TMOD3: variants seen among roughly 807,000 people sequenced by gnomAD.
TMOD3 encodes the protein tropomodulin 3.
TMOD3 carries 20 observed loss-of-function variants against 39.2 expected under a neutral mutation model. The ratio of observed to expected loss-of-function variants is 0.51; its 90% confidence interval spans 0.36 to 0.74. The LOEUF is 0.74. Among genes scored for constraint, TMOD3 ranks in the 30% least tolerant of loss-of-function variants. TMOD3 has a pLI of 0.00. For synonymous variants in TMOD3, 143 were observed against 145.8 expected (o/e 0.98, Z 0.14); for missense variants, 381 against 412.8 (o/e 0.92, Z 0.67).
At chr15:51,889,176 ATCCT>A (rs751848273) in intron 5 of TMOD3, 31 bp downstream of exon 5, 160 of 1,407,324 alleles carry the variant, frequency 1.1e-4, no homozygotes, top group Non-Finnish European at 1.5e-4. Flanking sequence ...GTGAATTCTA[ATCCT>A]TTATTAAATA....
At chr15:51,869,514 G>A in intron 3 of TMOD3, 141 bp downstream of exon 3, 2 of 768,852 alleles carry the variant, frequency 2.6e-6, no homozygotes, top group Non-Finnish European at 4.1e-6. Flanking sequence ...ACATTTATTG[G>A]TTTAGATACT....
chr15:51,836,099 T>C (rs760864644), intron 1 of TMOD3, among the ~76,000 whole-genome samples: 4 of 152,204 alleles, frequency 2.6e-5, no homozygotes, highest in African/African-American at 4.8e-5. Context: ...GGTTTCCTTA[T>C]TCATTCCTTC....
intron 3 of TMOD3, 126 bp from the exon 4 acceptor site, chr15:51,887,463 A>G: frequency 9.4e-7 from 1 of 1,068,222 alleles, no homozygotes; most frequent in Non-Finnish European, 1.3e-6. Context: ...TCAGAGATAA[A>G]ACAAAATTAC....
chr15:51,881,006 G>A (rs951560288), intron 3 of TMOD3, among the ~76,000 whole-genome samples: 3 of 152,204 alleles, frequency 2.0e-5, no homozygotes, highest in Non-Finnish European at 2.9e-5. Context: ...AGCCATCTTA[G>A]TGGGTGTGAA....
intron 3 of TMOD3, 51 bp from the exon 4 acceptor site, chr15:51,887,538 A>G (rs776616779): frequency 6.4e-7 from 1 of 1,571,924 alleles, no homozygotes; most frequent in Non-Finnish European, 8.6e-7. Context: ...ATAAAATGGT[A>G]ATGAGTTGAT....
chr15:51,859,846 A>G (rs2056407999), intron 1 of TMOD3: 1 of 522,502 alleles, frequency 1.9e-6, no homozygotes. Flanking sequence ...GCACAGCAAC[A>G]ACTCAAGTCA....
At chr15:51,870,126 A>G (rs892788776) in intron 3 of TMOD3, among the ~76,000 whole-genome samples, 11 of 152,052 alleles carry the variant, frequency 7.2e-5, no homozygotes, top group Non-Finnish European at 1.6e-4. Context: ...TTTAGTAGAG[A>G]TGGGGTTTCA....
intron 5 of TMOD3, 140 bp from the exon 6 acceptor site, chr15:51,893,675 G>T (rs1376325488): frequency 3.0e-6 from 2 of 676,484 alleles, no homozygotes; most frequent in Non-Finnish European, 4.2e-6. Context: ...TGAGGCAGGA[G>T]AATGGCTTGA....
At chr15:51,873,175 C>T (rs1382116364) in intron 3 of TMOD3, among the ~76,000 whole-genome samples, 1 of 152,198 alleles carries the variant, frequency 6.6e-6, no homozygotes. Flanking sequence ...ATCCTGATCA[C>T]GTTCCAGAAG....
At chr15:51,842,921 A>G (rs757521816) in intron 1 of TMOD3, among the ~76,000 whole-genome samples, 2 of 152,238 alleles carry the variant, frequency 1.3e-5, no homozygotes, top group South Asian at 2.1e-4. Context: ...CGTTGATTAG[A>G]GTAATACCAG....
chr15:51,870,926 G>T (rs1008678337), intron 3 of TMOD3, among the ~76,000 whole-genome samples: 3 of 152,124 alleles, frequency 2.0e-5, no homozygotes, highest in African/African-American at 7.2e-5. Context: ...TCCTACTTTG[G>T]GGAGATAAAT....
intron 3 of TMOD3, among the ~76,000 whole-genome samples, chr15:51,886,891 C>G (rs2056567122): frequency 6.6e-6 from 1 of 152,134 alleles, no homozygotes; most frequent in African/African-American, 2.4e-5. Flanking sequence ...TCTCTGCTAT[C>G]CCCCATGTGA....
intron 9 of TMOD3, among the ~76,000 whole-genome samples, chr15:51,907,826 G>C (rs2056690000): frequency 6.6e-6 from 1 of 152,198 alleles, no homozygotes; most frequent in African/African-American, 2.4e-5. Flanking sequence ...GAACACCCCT[G>C]AGTAGTTTGA....
chr15:51,835,647 C>T (rs776326054), intron 1 of TMOD3, among the ~76,000 whole-genome samples: 6 of 152,162 alleles, frequency 3.9e-5, no homozygotes, highest in Non-Finnish European at 8.8e-5. Flanking sequence ...TATTCCAATC[C>T]TTTGTGATGC....
chr15:51,900,144 C>A lies in TMOD3; in HGVS notation c.736-11C>A. On this transcript the variant is annotated splice_polypyrimidine_tract_variant and intron_variant, in intron 7 of 9. Coordinates refer to ENST00000308580, the MANE Select transcript of TMOD3 (RefSeq NM_014547.5). ...AAATTTTAATCTCTTAATATTTTCTCTAATTTCTAGGCTTTTGCAGAAATG... is the reference window on the plus strand; with the variant it reads ...AAATTTTAATCTCTTAATATTTTCTATAATTTCTAGGCTTTTGCAGAAATG... 1.2e-6 allele frequency: 2 copies of A among 1,613,156 alleles called. No individual in the cohort carries two copies. The highest frequency in any genetic ancestry group is 1.1e-5 in the South Asian group (1 of 90,920).
intron 1 of TMOD3, among the ~76,000 whole-genome samples, chr15:51,837,528 C>A (rs1185293854): frequency 6.6e-6 from 1 of 151,266 alleles, no homozygotes; most frequent in Admixed American, 6.6e-5. Flanking sequence ...GTGATGATTT[C>A]AAAGTCATGC....
intron 2 of TMOD3, among the ~76,000 whole-genome samples, chr15:51,864,710 T>C (rs1314882671): frequency 6.6e-6 from 1 of 152,110 alleles, no homozygotes; most frequent in Admixed American, 6.6e-5. Flanking sequence ...ACTAGATGGT[T>C]TGAATAATTT....
intron 1 of TMOD3, among the ~76,000 whole-genome samples, chr15:51,842,661 ACT>A (rs1202206831): frequency 1.3e-5 from 2 of 151,742 alleles, no homozygotes; most frequent in African/African-American, 4.8e-5. Flanking sequence ...TGAAGAATTG[ACT>A]CTCTTTTGCC....
chr15:51,861,184 C>T (rs2141683148), intron 1 of TMOD3: 1 of 472,786 alleles, frequency 2.1e-6, no homozygotes, highest in East Asian at 5.1e-5. Flanking sequence ...AGATCAGAAG[C>T]CTTCTTAATG....
Sources: allele counts gnomAD v4.1 joint callset (sites outside exome capture counted in the v4.1 genomes callset), GRCh38; gene constraint gnomAD v4.1.1; transcripts MANE v1.5; gene names NCBI Gene and HGNC (gene_info 2026-07-23, HGNC 2026-07-21).